The following TMEM132E variants were observed in gnomAD, a reference collection of about 807,000 sequenced individuals.
The protein encoded by TMEM132E is transmembrane protein 132E.
Under a neutral mutation model 78.5 loss-of-function variants are expected in TMEM132E, and 49 were observed. That is an observed-to-expected ratio of 0.62 (90% confidence interval 0.50 to 0.79). The LOEUF (loss-of-function observed/expected upper bound fraction) is 0.79. Among genes scored for constraint, TMEM132E ranks in the 30% least tolerant of loss-of-function variants. The pLI is 0.00. For missense variants in TMEM132E, 1,403 were observed against 1,470.9 expected (o/e 0.95, Z 0.75); for synonymous variants, 715 against 670.6 (o/e 1.07, Z -1.02).
chr17:34,635,183 C>G (rs1381152987), intron 7 of TMEM132E, 96 bp downstream of exon 7: 1 of 1,354,468 alleles, frequency 7.4e-7, no homozygotes, highest in Non-Finnish European at 9.9e-7. Flanking sequence ...CCAACTGGCC[C>G]CCAGAACACT....
Position 34,626,710 on chromosome 17 carries a change from C to T in TMEM132E, c.651C>T (p.Asp217=), listed in dbSNP as rs1907146800. ...CCACGGCCCGCCGCAAGTCCCCGGA[C>T]GGGCTGGAGCCCGAGGCGACGGGGG... The part of the protein sequence containing the change: ...APPTARRKSP[D]GLEPEATGES... The change falls in exon 2 of 9, where the codon GAC becomes GAT. Residue 217 remains aspartate, a synonymous_variant. Transcript: ENST00000631683. The T allele has an allele frequency of 8.7e-6, 12 of 1,379,812 alleles. No individual in the cohort carries two copies. Among genetic ancestry groups the T allele is most frequent in the Non-Finnish European group, 1.1e-5 (12 of 1,053,004 alleles). The allele number at this position is 1,379,812 out of a possible 1,614,324, so 85.5% of individuals were successfully genotyped here.
chr17:34,637,124 G>A (rs1597694404), intron 8 of TMEM132E, 53 bp from the exon 9 acceptor site: 8 of 1,507,642 alleles, frequency 5.3e-6, no homozygotes, highest in Non-Finnish European at 6.3e-6. Flanking sequence ...CTAGCAGGAA[G>A]CCAGCTGAAC....
chr17:34,628,764 G>A (rs1907244576), intron 3 of TMEM132E, 55 bp downstream of exon 3: 2 of 1,508,370 alleles, frequency 1.3e-6, no homozygotes, highest in African/African-American at 1.4e-5. Flanking sequence ...CATCTGAGAG[G>A]AGTGGGGAAT....
At chr17:34,609,864 A>T (rs2142065891) in intron 1 of TMEM132E, among the ~76,000 whole-genome samples, 1 of 152,314 alleles carries the variant, frequency 6.6e-6, no homozygotes. Flanking sequence ...TTAGCTTAGC[A>T]TTCAAAGCCC....
chr17:34,634,889 C>T lies in TMEM132E; in HGVS notation c.1779C>T (p.Ala593=), dbSNP rs774046329. 10 of 1,614,146 alleles carry T rather than the reference C, an allele frequency of 6.2e-6. No homozygotes were observed. Among genetic ancestry groups the T allele is most frequent in the Non-Finnish European group, 6.8e-6 (8 of 1,180,026 alleles). The part of the protein sequence containing the change: ...SRGCTLQYQH[A]TLQVFTQFHT... The stretch of plus-strand genomic sequence containing the variant: ...GCTGCACCCTGCAGTACCAGCATGC[C>T]ACCCTGCAGGTCTTCACCCAGTTCC... Residue 593 remains alanine (A), a synonymous_variant, in exon 7 of 9, where the codon GCC becomes GCT. Coordinates refer to ENST00000631683, the MANE Select transcript of TMEM132E (RefSeq NM_001304438.2).
chr17:34,601,573 C>T (rs1906242053), intron 1 of TMEM132E, among the ~76,000 whole-genome samples: 1 of 152,326 alleles, frequency 6.6e-6, no homozygotes, highest in South Asian at 2.1e-4. Context: ...TGGGAGGGGG[C>T]TGTCCCTGAC....
At chr17:34,610,641 G>A (rs1906559349) in intron 1 of TMEM132E, among the ~76,000 whole-genome samples, 1 of 152,208 alleles carries the variant, frequency 6.6e-6, no homozygotes, top group Non-Finnish European at 1.5e-5. Flanking sequence ...AGCTGGTGTC[G>A]AGGCTCTTGA....
intron 8 of TMEM132E, among the ~76,000 whole-genome samples, chr17:34,636,791 G>A (rs1907536118): frequency 6.6e-6 from 1 of 152,232 alleles, no homozygotes; most frequent in Admixed American, 6.5e-5. Flanking sequence ...TCAACAGCCT[G>A]TTGTCTGATG....
rs1188729803 is a variant in TMEM132E, at chr17:34,626,135, C to T, written c.76C>T (p.Arg26Cys). 2.6e-6 allele frequency: 4 copies of T among 1,517,944 alleles called. No homozygotes were observed. The highest frequency in any genetic ancestry group is 4.7e-5 in the East Asian group (2 of 42,180). 94.0% of individuals were successfully genotyped at this position (1,517,944 alleles called of 1,614,324 possible). A position where few individuals can be genotyped will look rare whatever the true frequency, so the allele number is the denominator to read the frequency against. The change falls in exon 2 of 9, where the codon CGC becomes TGC. Residue 26 changes from arginine to cysteine, a missense_variant. Around this residue, in one of 3 missense-constraint regions of TMEM132E, gnomAD observed 511 missense variants for 499.0 expected, o/e 1.02. Transcript: ENST00000631683. ...LSALLAHASG[R>C]SHPASPSPPG... Reference sequence around the variant, plus strand: ...CCTCTGTCTGTCCCCAGCCTCTGGCCGCTCCCACCCGGCCAGCCCCAGCCC... The same window carrying T: ...CCTCTGTCTGTCCCCAGCCTCTGGCTGCTCCCACCCGGCCAGCCCCAGCCC...
chr17:34,594,231 T>TTA (rs1428832971), intron 1 of TMEM132E, among the ~76,000 whole-genome samples: 1 of 152,214 alleles, frequency 6.6e-6, no homozygotes, highest in African/African-American at 2.4e-5. Flanking sequence ...AGATGCTCAA[T>TTA]AATGATCTGC....
intron 2 of TMEM132E, among the ~76,000 whole-genome samples, chr17:34,627,787 C>T (rs1907208237): frequency 6.6e-6 from 1 of 152,156 alleles, no homozygotes; most frequent in Non-Finnish European, 1.5e-5. Flanking sequence ...TTAAGTATTT[C>T]CCTGTCTCCT....
At position 34,637,535 on chromosome 17, in the gene TMEM132E, G is replaced by A. The variant is rs930452910; in HGVS notation, c.2528G>A (p.Gly843Asp). The change falls in exon 9 of 9, where the codon GGC becomes GAC. Residue 843 changes from glycine (G) to aspartate (D), a missense_variant. Around this residue, in one of 3 missense-constraint regions of TMEM132E, gnomAD observed 888 missense variants for 952.8 expected, o/e 0.93. Transcript: ENST00000631683. ...GGGEDEARGA[G>D]PPGSALPAPE... ...GGCGAGGACGAGGCCCGGGGAGCTG[G>A]CCCGCCGGGCTCTGCGCTACCCGCA... 1 of 1,597,634 alleles carries A rather than the reference G, an allele frequency of 6.3e-7. No individual in the cohort carries two copies. The highest frequency in any genetic ancestry group is 1.3e-5 in the African/African-American group (1 of 74,696).
chr17:34,586,460 T>A lies in TMEM132E; in HGVS notation c.67+5317T>A, dbSNP rs550957291. ...CACAGAGCACCAACACTCAGCTAGC[T>A]ACTGCACGGGTCTCTGGGGGACAAA... On this transcript the variant is annotated intron_variant, in intron 1 of 8. Coordinates refer to ENST00000631683, the MANE Select transcript of TMEM132E (RefSeq NM_001304438.2). Among the ~76,000 whole-genome samples, 13 of 151,952 alleles carry A rather than the reference T, an allele frequency of 8.6e-5. No homozygotes were observed. In the South Asian group the frequency reaches 2.7e-3, roughly 32 times the overall value.
intron 7 of TMEM132E, 96 bp downstream of exon 7, chr17:34,635,183 C>T (rs1381152987): frequency 7.4e-7 from 1 of 1,354,468 alleles, no homozygotes; most frequent in Non-Finnish European, 9.9e-7. Context: ...CCAACTGGCC[C>T]CCAGAACACT....
intron 1 of TMEM132E, among the ~76,000 whole-genome samples, chr17:34,612,206 C>T (rs1311000968): frequency 6.6e-6 from 1 of 152,142 alleles, no homozygotes; most frequent in Non-Finnish European, 1.5e-5. Context: ...GTGACCTGGC[C>T]CTGAGTTGGA....
rs767953429 is a variant in TMEM132E at position 34,630,012 on chromosome 17, C to T, written c.1343C>T (p.Thr448Ile). The change falls in exon 5 of 9, where the codon ACA becomes ATA. Residue 448 changes from threonine (T) to isoleucine (I), a missense_variant. Transcript: ENST00000631683. ...VQAILPLAMD[T>I]EIINTAILTG... ...CCCCCCTTCTCCTCCCTGCAGGACACAGAGATCATCAACACGGCCATTCTG... is the reference window on the plus strand; with the variant it reads ...CCCCCCTTCTCCTCCCTGCAGGACATAGAGATCATCAACACGGCCATTCTG... 3.7e-6 allele frequency: 6 copies of T among 1,607,508 alleles called. No individual in the cohort carries two copies.
At chr17:34,635,898 C>A in intron 7 of TMEM132E, 109 bp from the exon 8 acceptor site, 1 of 1,146,458 alleles carries the variant, frequency 8.7e-7, no homozygotes, top group Non-Finnish European at 1.1e-6. Flanking sequence ...CCTGCCTCAC[C>A]CTTCAGGCCC....
At chr17:34,625,418 G>A (rs1907084704) in intron 1 of TMEM132E, among the ~76,000 whole-genome samples, 1 of 152,170 alleles carries the variant, frequency 6.6e-6, no homozygotes, top group South Asian at 2.1e-4. Flanking sequence ...ACAATACTAA[G>A]GAGCTTGGGT....
At position 34,626,520 on chromosome 17, in the gene TMEM132E, AC is replaced by A. The variant is rs753515952; in HGVS notation, c.462del (p.Asp154GlufsTer141). On this transcript the variant is annotated frameshift_variant, in exon 2 of 9. Transcript: ENST00000631683. LOFTEE classifies it high-confidence loss of function. ...VLFYVAGRDW[D>X]DFGVTERLPC... ...TTCTACGTAGCCGGCCGGGACTGGG[AC>A]GACTTCGGCGTCACCGAGCGGCTGC... The A allele has an allele frequency of 6.2e-7, 1 of 1,606,258 alleles. No homozygotes were observed.
Sources: allele counts gnomAD v4.1 joint callset (sites outside exome capture counted in the v4.1 genomes callset), GRCh38; gene constraint gnomAD v4.1.1; regional missense constraint gnomAD v4.1.1; transcripts MANE v1.5; gene names NCBI Gene and HGNC (gene_info 2026-07-23, HGNC 2026-07-21).